Variants in OXR1 observed in about 807,000 individuals in gnomAD.
OXR1 encodes oxidation resistance 1.
OXR1 carries 41 observed loss-of-function variants against 104.6 expected under a neutral mutation model. The observed-to-expected ratio is 0.39, with a 90% CI of 0.31 to 0.51. The LOEUF is 0.51. OXR1 is among the 20% of genes least tolerant of loss of function. OXR1 has a pLI of 0.77. For synonymous variants in OXR1, 348 were observed against 348.4 expected, an observed-to-expected ratio of 1.00 and a Z score of 0.01; for missense variants, 955 against 1,031.9, an observed-to-expected ratio of 0.93 and a Z score of 1.02.
At chr8:106,701,612 G>A (rs1168289987) in intron 7 of OXR1, among the ~76,000 whole-genome samples, 1 of 152,062 alleles carries the variant, frequency 6.6e-6, no homozygotes, top group Non-Finnish European at 1.5e-5. Context: ...CTGAAAATTT[G>A]AAAATGAAAT....
chr8:106,410,304 A>T (rs1818410377), intron 2 of OXR1, among the ~76,000 whole-genome samples: 1 of 152,164 alleles, frequency 6.6e-6, no homozygotes, highest in South Asian at 2.1e-4. Context: ...GAATTAAATG[A>T]GTTTGTTTTA....
At chr8:106,692,974 A>C (rs1027786779) in intron 7 of OXR1, 97 bp downstream of exon 7, 1 of 832,404 alleles carries the variant, frequency 1.2e-6, no homozygotes, top group African/African-American at 1.7e-5. Context: ...TCAATGTCAG[A>C]AAATGCTTGA....
Position 106,540,395 on chromosome 8 carries a change from G to C in OXR1, c.220+21256G>C, listed in dbSNP as rs144517661. On this transcript the variant is annotated intron_variant, in intron 3 of 16. Transcript: ENST00000517566. ...TATATAAGGGATTCTAGACAACTCTGTCCTAGAGTGAATCTATTTTATTCT... is the reference window on the plus strand; with the variant it reads ...TATATAAGGGATTCTAGACAACTCTCTCCTAGAGTGAATCTATTTTATTCT... 4.2e-3 allele frequency among the ~76,000 whole-genome samples: 637 copies of C among 152,238 alleles called. 8 individuals carry two copies. Among genetic ancestry groups the C allele is most frequent in the African/African-American group, 0.014 (593 of 41,546 alleles).
chr8:106,598,610 A>G (rs979670649), intron 3 of OXR1, among the ~76,000 whole-genome samples: 1 of 152,240 alleles, frequency 6.6e-6, no homozygotes, highest in Non-Finnish European at 1.5e-5. Flanking sequence ...TTTAAGCTAC[A>G]TATTATATAA....
chr8:106,507,071 T>C (rs1433035589), intron 2 of OXR1, among the ~76,000 whole-genome samples: 1 of 151,980 alleles, frequency 6.6e-6, no homozygotes, highest in African/African-American at 2.4e-5. Flanking sequence ...GGAGACACAG[T>C]GAGAGCCTGT....
intron 1 of OXR1, among the ~76,000 whole-genome samples, chr8:106,330,026 T>G (rs570973288): frequency 6.6e-6 from 1 of 152,290 alleles, no homozygotes; most frequent in South Asian, 2.1e-4. Context: ...ATGGACACTC[T>G]CCCAAATTTG....
At chr8:106,750,557 C>T (rs1163081000) in intron 16 of OXR1, among the ~76,000 whole-genome samples, 2 of 151,574 alleles carry the variant, frequency 1.3e-5, no homozygotes, top group Non-Finnish European at 2.9e-5. Context: ...CTTGAACTCC[C>T]GACCTCAGGT....
chr8:106,302,895 G>T (rs1483106980), intron 1 of OXR1, among the ~76,000 whole-genome samples: 2 of 150,958 alleles, frequency 1.3e-5, no homozygotes, highest in East Asian at 4.1e-4. Context: ...GGGACTACAG[G>T]CGCCCGCCAC....
At chr8:106,331,456 G>T (rs966971001) in intron 1 of OXR1, among the ~76,000 whole-genome samples, 1 of 152,000 alleles carries the variant, frequency 6.6e-6, no homozygotes, top group African/African-American at 2.4e-5. Flanking sequence ...ATTGCACTTA[G>T]AGATGTCTTA....
At chr8:106,737,627 T>G in intron 12 of OXR1, 27 bp downstream of exon 12, 2 of 986,540 alleles carry the variant, frequency 2.0e-6, no homozygotes, top group Non-Finnish European at 2.8e-6. Context: ...TTTAAACCCC[T>G]CCAGAGACTA....
intron 3 of OXR1, among the ~76,000 whole-genome samples, chr8:106,632,610 T>C (rs942812681): frequency 3.3e-5 from 5 of 151,298 alleles, no homozygotes; most frequent in African/African-American, 1.2e-4. Context: ...TATATACCTC[T>C]TTTTTTTTAT....
At chr8:106,507,225 C>A (rs553477170) in intron 2 of OXR1, among the ~76,000 whole-genome samples, 13 of 152,126 alleles carry the variant, frequency 8.5e-5, no homozygotes, top group Non-Finnish European at 1.9e-4. Flanking sequence ...TTTATATGTG[C>A]CAGTGTGTAT....
chr8:106,679,401 A>C, intron 4 of OXR1, 109 bp downstream of exon 4: 1 of 486,564 alleles, frequency 2.1e-6, no homozygotes, highest in Non-Finnish European at 3.7e-6. Context: ...CCTTATTTTT[A>C]AAAATCTGTA....
intron 12 of OXR1, among the ~76,000 whole-genome samples, chr8:106,738,020 G>A (rs929622211): frequency 5.3e-5 from 8 of 152,064 alleles, no homozygotes; most frequent in Admixed American, 1.3e-4. Context: ...TTATATCAGC[G>A]TCACATCAAA....
At chr8:106,441,127 T>G (rs1819763997) in intron 2 of OXR1, among the ~76,000 whole-genome samples, 1 of 152,206 alleles carries the variant, frequency 6.6e-6, no homozygotes, top group Admixed American at 6.6e-5. Flanking sequence ...GTTTCAGTTT[T>G]CTGCATATGG....
At chr8:106,289,584 C>T (rs1212029664) in intron 1 of OXR1, among the ~76,000 whole-genome samples, 8 of 152,112 alleles carry the variant, frequency 5.3e-5, no homozygotes, top group East Asian at 1.9e-4. Context: ...ATGGCCATAC[C>T]GTCTAAAGCA....
chr8:106,368,337 A>G (rs1376112078), intron 2 of OXR1, among the ~76,000 whole-genome samples: 1 of 152,172 alleles, frequency 6.6e-6, no homozygotes, highest in Non-Finnish European at 1.5e-5. Context: ...ACATTTTAAG[A>G]GATTCAACAA....
chr8:106,627,601 G>A (rs1313866428), intron 3 of OXR1, among the ~76,000 whole-genome samples: 2 of 152,024 alleles, frequency 1.3e-5, no homozygotes, highest in South Asian at 2.1e-4. Flanking sequence ...TTAAGCTACC[G>A]AACTACCCAA....
chr8:106,401,059 A>G (rs1817978965), intron 2 of OXR1, among the ~76,000 whole-genome samples: 1 of 152,050 alleles, frequency 6.6e-6, no homozygotes. Context: ...TGTTTTTTCA[A>G]ATTTCTTTAT....
Sources: allele counts gnomAD v4.1 joint callset (sites outside exome capture counted in the v4.1 genomes callset), GRCh38; gene constraint gnomAD v4.1.1; transcripts MANE v1.5; gene names NCBI Gene and HGNC (gene_info 2026-07-23, HGNC 2026-07-21).